The following BTRC variants were observed in gnomAD, a reference collection of about 807,000 sequenced individuals.
BTRC encodes F-box/WD repeat-containing protein 1A.
In BTRC, 42 loss-of-function variants were observed where a neutral mutation model predicts 85.5. That is an observed-to-expected ratio of 0.49 (90% confidence interval 0.38 to 0.64). The LOEUF is 0.64. BTRC is among the 30% of genes least tolerant of loss of function. BTRC has a pLI of 0.00. For missense variants in BTRC, 594 were observed against 743.5 expected (o/e 0.80, Z 2.34); for synonymous variants, 255 against 263.3 (o/e 0.97, Z 0.30).
chr10:101,409,194 C>T (rs527558060), intron 1 of BTRC, among the ~76,000 whole-genome samples: 7 of 152,174 alleles, frequency 4.6e-5, no homozygotes, highest in Non-Finnish European at 1.0e-4. Flanking sequence ...TACATCATTC[C>T]AAGTAAAAGC....
chr10:101,501,056 C>T (rs986098375), intron 4 of BTRC, among the ~76,000 whole-genome samples: 9 of 152,004 alleles, frequency 5.9e-5, no homozygotes, highest in Non-Finnish European at 1.0e-4. Flanking sequence ...ATTAGCCAGG[C>T]ATGGTGGCAC....
In BTRC at chr10:101,354,229, G is replaced by A. The variant is rs1416238314; in HGVS notation, c.48+1G>A. 1.3e-6 allele frequency: 2 copies of A among 1,549,058 alleles called. No individual in the cohort carries two copies. The highest frequency in any genetic ancestry group is 3.9e-5 in the Admixed American group (2 of 50,992). On this transcript the variant is annotated splice_donor_variant, in intron 1 of 14. Coordinates refer to ENST00000370187, the MANE Select transcript of BTRC (RefSeq NM_033637.4). LOFTEE classifies it high-confidence loss of function. ...GCAAGAGAAGGCACTCAAGTTTATG[G>A]TGAGGAGACGGTGGAGGCCGGGGAA...
chr10:101,370,952 A>G (rs1017361518), intron 1 of BTRC, among the ~76,000 whole-genome samples: 2 of 152,188 alleles, frequency 1.3e-5, no homozygotes, highest in Admixed American at 6.5e-5. Context: ...ACACACATAT[A>G]AGCTTCATTT....
rs571427833 is a variant in BTRC, at chr10:101,384,783, T to G, written c.48+30555T>G. Among the ~76,000 whole-genome samples the G allele has an allele frequency of 2.0e-5, 3 of 152,284 alleles. No individual in the cohort carries two copies. The South Asian group carries it at 6.2e-4, about 32-fold the overall frequency. On this transcript the variant is annotated intron_variant, in intron 1 of 14. Transcript: ENST00000370187. Reference sequence around the variant, plus strand: ...TTTTCTTATTGAGAAGTAAAATACATTGTAGTTAAAAATTGAGACCTTTGA... The same window carrying G: ...TTTTCTTATTGAGAAGTAAAATACAGTGTAGTTAAAAATTGAGACCTTTGA...
At chr10:101,416,571 G>A (rs1188594097) in intron 1 of BTRC, among the ~76,000 whole-genome samples, 1 of 152,020 alleles carries the variant, frequency 6.6e-6, no homozygotes, top group African/African-American at 2.4e-5. Context: ...TATTGTTGTT[G>A]TTGTTTTTTA....
chr10:101,436,990 A>G (rs1944549349), intron 2 of BTRC, among the ~76,000 whole-genome samples: 1 of 152,216 alleles, frequency 6.6e-6, no homozygotes, highest in African/African-American at 2.4e-5. Flanking sequence ...ATACATTAAC[A>G]TTCAAATTCT....
At chr10:101,475,404 G>T (rs1945651187) in intron 3 of BTRC, among the ~76,000 whole-genome samples, 1 of 152,132 alleles carries the variant, frequency 6.6e-6, no homozygotes, top group East Asian at 1.9e-4. Flanking sequence ...GCCGGCCGTG[G>T]TGGCACATGT....
chr10:101,369,953 T>G (rs1204232892), intron 1 of BTRC, among the ~76,000 whole-genome samples: 2 of 152,200 alleles, frequency 1.3e-5, no homozygotes, highest in Non-Finnish European at 2.9e-5. Context: ...CTTGACTTAC[T>G]TAGGCTCCAA....
intron 4 of BTRC, among the ~76,000 whole-genome samples, chr10:101,520,171 T>C (rs1441882626): frequency 2.0e-5 from 3 of 151,950 alleles, no homozygotes; most frequent in Non-Finnish European, 2.9e-5. Flanking sequence ...GGGGACAGAG[T>C]CTCGCCCTGT....
rs183309218 is a variant in BTRC, at chr10:101,365,568, C to T, written c.48+11340C>T. On this transcript the variant is annotated intron_variant, in intron 1 of 14. Coordinates refer to ENST00000370187, the MANE Select transcript of BTRC (RefSeq NM_033637.4). ...TCAGCTCACTGCAACCTCTGCCTTC[C>T]GGGTTCAAGCAATTCTCCTGCCTCA... Among the ~76,000 whole-genome samples the T allele has an allele frequency of 1.4e-4, 22 of 151,886 alleles. No individual in the cohort carries two copies. In the East Asian group the frequency reaches 4.1e-3, roughly 28 times the overall value.
intron 2 of BTRC, among the ~76,000 whole-genome samples, chr10:101,442,544 A>G (rs1366468671): frequency 6.6e-6 from 1 of 152,150 alleles, no homozygotes; most frequent in Non-Finnish European, 1.5e-5. Context: ...AAATTTCTGT[A>G]TTAAAAATTA....
intron 4 of BTRC, among the ~76,000 whole-genome samples, chr10:101,510,406 A>G (rs1946671674): frequency 6.6e-6 from 1 of 151,034 alleles, no homozygotes; most frequent in Non-Finnish European, 1.5e-5. Context: ...GCTACTCCGG[A>G]GGCTGAGGCA....
chr10:101,488,074 T>C (rs1946036582), intron 4 of BTRC, among the ~76,000 whole-genome samples: 1 of 152,176 alleles, frequency 6.6e-6, no homozygotes, highest in Non-Finnish European at 1.5e-5. Flanking sequence ...GTTTTAAGCT[T>C]GATTTTTCTA....
chr10:101,466,121 G>C (rs1054377600), intron 3 of BTRC, among the ~76,000 whole-genome samples: 1 of 152,126 alleles, frequency 6.6e-6, no homozygotes, highest in Admixed American at 6.5e-5. Context: ...CTTCTCATTG[G>C]TGCTAATAGG....
intron 1 of BTRC, among the ~76,000 whole-genome samples, chr10:101,394,591 G>T: frequency 6.6e-6 from 1 of 152,156 alleles, no homozygotes; most frequent in Non-Finnish European, 1.5e-5. Flanking sequence ...CTAGTAATGA[G>T]TAAAACAAAA....
intron 2 of BTRC, among the ~76,000 whole-genome samples, chr10:101,440,020 T>C (rs914700211): frequency 1.3e-5 from 2 of 152,214 alleles, no homozygotes; most frequent in African/African-American, 4.8e-5. Context: ...CTTTAAAATT[T>C]GGGGAAGAAA....
At chr10:101,376,777 G>A (rs2133951548) in intron 1 of BTRC, among the ~76,000 whole-genome samples, 1 of 151,926 alleles carries the variant, frequency 6.6e-6, no homozygotes, top group African/African-American at 2.4e-5. Context: ...CATAGGGTAA[G>A]GTGGTGGTGG....
chr10:101,392,557 C>T (rs535272877), intron 1 of BTRC, among the ~76,000 whole-genome samples: 16 of 152,108 alleles, frequency 1.1e-4, no homozygotes, highest in African/African-American at 2.7e-4. Flanking sequence ...AGTGCAGTGG[C>T]GGCATGGTCT....
chr10:101,442,889 CTTTTTTTTT>C (rs755689728), intron 2 of BTRC, among the ~76,000 whole-genome samples: 1 of 122,374 alleles, frequency 8.2e-6, no homozygotes, highest in African/African-American at 3.2e-5. Context: ...CTCACTTGCT[CTTTTTTTTT>C]TTTTTTTTTT....
Sources: allele counts gnomAD v4.1 joint callset (sites outside exome capture counted in the v4.1 genomes callset), GRCh38; gene constraint gnomAD v4.1.1; transcripts MANE v1.5; gene names NCBI Gene and HGNC (gene_info 2026-07-23, HGNC 2026-07-21).